LNX1: variants seen among roughly 807,000 people sequenced by gnomAD.
LNX1 encodes ligand of numb-protein X 1, also known as E3 ubiquitin-protein ligase LNX.
In LNX1, 54 loss-of-function variants were observed where a neutral mutation model predicts 68.4. The ratio of observed to expected loss-of-function variants is 0.79; its 90% confidence interval spans 0.63 to 0.99. The LOEUF (loss-of-function observed/expected upper bound fraction) is 0.99. LNX1 is among the 50% of genes least tolerant of loss of function. The pLI is 0.00. For missense variants in LNX1, 906 were observed against 926.4 expected, an observed-to-expected ratio of 0.98 and a Z score of 0.29; for synonymous variants, 336 against 350.0, an observed-to-expected ratio of 0.96 and a Z score of 0.45.
chr4:53,564,217 G>A (rs1730485600), intron 2 of LNX1, among the ~76,000 whole-genome samples: 1 of 152,154 alleles, frequency 6.6e-6, no homozygotes, highest in Admixed American at 6.5e-5. Flanking sequence ...GGGGTCACAC[G>A]GGCTGCATGG....
intron 1 of LNX1, among the ~76,000 whole-genome samples, chr4:53,633,338 A>G (rs553740933): frequency 3.9e-5 from 6 of 152,260 alleles, no homozygotes; most frequent in South Asian, 2.1e-4. Flanking sequence ...CCCATGCACA[A>G]TAACTTTCTT....
chr4:53,562,072 AG>A (rs1730331306), intron 2 of LNX1, among the ~76,000 whole-genome samples: 2 of 152,236 alleles, frequency 1.3e-5, no homozygotes, highest in Non-Finnish European at 2.9e-5. Flanking sequence ...TCTTTCATTC[AG>A]GGCCTGACCT....
intron 2 of LNX1, among the ~76,000 whole-genome samples, chr4:53,561,475 G>C (rs113193199): frequency 0.13 from 19,548 of 151,992 alleles, 1,374 homozygotes; most frequent in African/African-American, 0.19. Context: ...ATCCGCCCAC[G>C]TCATCCTCCC....
chr4:53,490,367 C>T (rs1724598186), intron 6 of LNX1, among the ~76,000 whole-genome samples: 2 of 152,184 alleles, frequency 1.3e-5, no homozygotes, highest in Non-Finnish European at 2.9e-5. Flanking sequence ...TACAGTTATT[C>T]CAGTCATGAT....
intron 1 of LNX1, among the ~76,000 whole-genome samples, chr4:53,634,966 C>T (rs1362355339): frequency 1.3e-5 from 2 of 152,108 alleles, no homozygotes; most frequent in South Asian, 2.1e-4. Flanking sequence ...GCTGGGACTA[C>T]AGGTGCACAC....
At chr4:53,619,206 A>G (rs745652766), upstream of LNX1, among the ~76,000 whole-genome samples, 4 of 152,186 alleles carry the variant, frequency 2.6e-5, no homozygotes, top group Admixed American at 6.6e-5. Flanking sequence ...GTACTGTAAA[A>G]TTCATGCTTT....
intron 9 of LNX1, 62 bp from the exon 10 acceptor site, chr4:53,461,655 C>T (rs1194196612): frequency 3.1e-6 from 4 of 1,294,026 alleles, no homozygotes; most frequent in Non-Finnish European, 4.3e-6. Flanking sequence ...GGAATACTTA[C>T]TGTGACTCAT....
At chr4:53,611,244 A>G (rs1733483695) in intron 2 of LNX1, among the ~76,000 whole-genome samples, 1 of 152,152 alleles carries the variant, frequency 6.6e-6, no homozygotes, top group East Asian at 1.9e-4. Flanking sequence ...AAAATAGTGA[A>G]AAACCAACCT....
chr4:53,537,237 A>G (rs1728438205), intron 2 of LNX1, among the ~76,000 whole-genome samples: 1 of 152,266 alleles, frequency 6.6e-6, no homozygotes, highest in South Asian at 2.1e-4. Flanking sequence ...GGAGTCAAAC[A>G]CCAAACAAAT....
chr4:53,511,756 G>A (rs1726358290), intron 2 of LNX1, among the ~76,000 whole-genome samples: 1 of 152,172 alleles, frequency 6.6e-6, no homozygotes, highest in South Asian at 2.1e-4. Flanking sequence ...AGTTGGAGAC[G>A]AGACACAGGA....
intron 6 of LNX1, among the ~76,000 whole-genome samples, chr4:53,486,216 G>C (rs1724279801): frequency 6.6e-6 from 1 of 151,908 alleles, no homozygotes; most frequent in South Asian, 2.1e-4. Context: ...CCCTCCTTAG[G>C]AAACTTGGTG....
At chr4:53,640,669 A>G (rs1734644402) in intron 1 of LNX1, among the ~76,000 whole-genome samples, 1 of 152,216 alleles carries the variant, frequency 6.6e-6, no homozygotes, top group South Asian at 2.1e-4. Flanking sequence ...AATTGTTGTC[A>G]ACAGTAGGAA....
chr4:53,623,555 A>G (rs2590825), intron 1 of LNX1, among the ~76,000 whole-genome samples: 54,221 of 151,896 alleles, frequency 0.36, 9,820 homozygotes, highest in Admixed American at 0.4. Context: ...TCTGATGCAA[A>G]CCATAAGTTC....
chr4:53,563,537 C>CTTT (rs763612909), intron 2 of LNX1, among the ~76,000 whole-genome samples: 2,934 of 142,552 alleles, frequency 0.021, 127 homozygotes, highest in African/African-American at 0.072. Context: ...GCTTCAAATT[C>CTTT]TTTTTTTTTT....
chr4:53,581,788 C>T (rs1011002251), intron 1 of LNX1, among the ~76,000 whole-genome samples: 21 of 152,220 alleles, frequency 1.4e-4, no homozygotes, highest in East Asian at 7.7e-4. Flanking sequence ...TGGGTGGGGA[C>T]GCAGCCAAAC....
intron 2 of LNX1, among the ~76,000 whole-genome samples, chr4:53,551,046 G>A (rs1157759743): frequency 2.6e-5 from 4 of 152,120 alleles, no homozygotes; most frequent in Non-Finnish European, 4.4e-5. Context: ...GGTGTATGTC[G>A]CAGGTTAGGT....
chr4:53,616,128 A>G (rs1392858269), intron 2 of LNX1, among the ~76,000 whole-genome samples: 1 of 152,204 alleles, frequency 6.6e-6, no homozygotes, highest in Non-Finnish European at 1.5e-5. Flanking sequence ...TTTAGATCCC[A>G]CAAATAAGTG....
chr4:53,499,612 A>C (rs180981063), intron 4 of LNX1, among the ~76,000 whole-genome samples: 8 of 152,346 alleles, frequency 5.3e-5, no homozygotes, highest in African/African-American at 1.9e-4. Flanking sequence ...TTTTTAATGG[A>C]ATGAATTGCA....
At chr4:53,533,625 C>T (rs1286953892) in intron 2 of LNX1, among the ~76,000 whole-genome samples, 2 of 152,162 alleles carry the variant, frequency 1.3e-5, no homozygotes, top group Non-Finnish European at 2.9e-5. Flanking sequence ...GTCTCAAACT[C>T]CTGTCCTCGA....
Sources: gnomAD v4.1 joint callset for allele counts (sites outside exome capture counted in the v4.1 genomes callset) on GRCh38, gnomAD v4.1.1 for gene constraint, MANE v1.5 for transcripts, NCBI Gene and HGNC (gene_info 2026-07-23, HGNC 2026-07-21) for gene names.